Variants in SRGAP1 observed in about 807,000 individuals in gnomAD.
SRGAP1 encodes the protein SLIT-ROBO Rho GTPase activating protein 1.
Under a neutral mutation model 121.9 loss-of-function variants are expected in SRGAP1, and 43 were observed. That is an observed-to-expected ratio of 0.35 (90% CI 0.28 to 0.46). The LOEUF (loss-of-function observed/expected upper bound fraction) is 0.46, where lower values mean the gene tolerates loss of function less well. SRGAP1 is among the 20% of genes least tolerant of loss of function. SRGAP1 has a pLI of 1.00. For missense variants in SRGAP1, 1,102 were observed against 1,350.9 expected (o/e 0.82, Z 2.89); for synonymous variants, 447 against 485.4 (o/e 0.92, Z 1.04).
intron 1 of SRGAP1, among the ~76,000 whole-genome samples, chr12:63,906,880 ATT>A (rs200869779): frequency 2.8e-5 from 4 of 143,302 alleles, no homozygotes; most frequent in Non-Finnish European, 1.5e-5. Context: ...TATTATTTGT[ATT>A]TTTTTTTTTT....
In SRGAP1 at chr12:64,142,862, T is replaced by G. The variant is rs1201135566; in HGVS notation, c.*190T>G. ...CGGGCATTTGTATTTTGTAATTTTT[T>G]TAAATAACTGGACATATGTCATTTT... On this transcript the variant is annotated 3_prime_UTR_variant, in exon 22 of 22. Transcript: ENST00000355086. 5.3e-6 allele frequency: 4 copies of G among 754,190 alleles called. No homozygotes were observed. Among genetic ancestry groups the G allele is most frequent in the Non-Finnish European group, 8.4e-6 (4 of 478,600 alleles). The allele number at this position is 754,190 out of a possible 1,614,324, so 46.7% of individuals were successfully genotyped here.
chr12:63,849,901 A>G (rs1899019163), intron 1 of SRGAP1, among the ~76,000 whole-genome samples: 1 of 152,226 alleles, frequency 6.6e-6, no homozygotes, highest in Non-Finnish European at 1.5e-5. Flanking sequence ...AGATATCTAA[A>G]TAGGAGATAG....
intron 4 of SRGAP1, among the ~76,000 whole-genome samples, chr12:64,033,303 T>C (rs1453106489): frequency 6.6e-6 from 1 of 152,218 alleles, no homozygotes; most frequent in African/African-American, 2.4e-5. Flanking sequence ...AAATTCAAAC[T>C]GTTATGCTGA....
At chr12:64,008,005 A>G (rs1287991345) in intron 3 of SRGAP1, among the ~76,000 whole-genome samples, 1 of 152,206 alleles carries the variant, frequency 6.6e-6, no homozygotes, top group African/African-American at 2.4e-5. Flanking sequence ...TAAGATGCTG[A>G]GCTAATAATA....
rs769246485 is a variant in SRGAP1, at chr12:64,157,191, T to C, written c.*14519T>C. On this transcript the variant is annotated 3_prime_UTR_variant, in exon 22 of 22. Coordinates refer to ENST00000355086, the MANE Select transcript of SRGAP1 (RefSeq NM_020762.4). Reference sequence around the variant, plus strand: ...CTAAATTCATCATTTACTGAACAAATAACTCATGAGGGTTACCATATGTCT... The same window carrying C: ...CTAAATTCATCATTTACTGAACAAACAACTCATGAGGGTTACCATATGTCT... 5 of 152,142 alleles carry C rather than the reference T, an allele frequency of 3.3e-5. No individual in the cohort carries two copies. The highest frequency in any genetic ancestry group is 4.8e-5 in the African/African-American group (2 of 41,402). 9.4% of individuals were successfully genotyped at this position (152,142 alleles called of 1,614,324 possible). A position where few individuals can be genotyped will look rare whatever the true frequency, so the allele number is the denominator to read the frequency against.
intron 1 of SRGAP1, among the ~76,000 whole-genome samples, chr12:63,878,299 T>G (rs1487822618): frequency 6.6e-6 from 1 of 152,214 alleles, no homozygotes; most frequent in Non-Finnish European, 1.5e-5. Context: ...ACTTCTCTAT[T>G]GTACCATTGT....
At chr12:64,092,013 T>A in intron 12 of SRGAP1, 1 of 1,102,968 alleles carries the variant, frequency 9.1e-7, no homozygotes, top group Non-Finnish European at 1.3e-6. Flanking sequence ...ATTAGATTGT[T>A]AAGGTTTTTA....
At chr12:63,870,352 A>G (rs1207339447) in intron 1 of SRGAP1, among the ~76,000 whole-genome samples, 3 of 152,142 alleles carry the variant, frequency 2.0e-5, no homozygotes, top group African/African-American at 7.2e-5. Flanking sequence ...AAGTAAAAGA[A>G]AAACATAAGA....
intron 1 of SRGAP1, among the ~76,000 whole-genome samples, chr12:63,969,261 T>A (rs1356520616): frequency 6.6e-6 from 1 of 152,104 alleles, no homozygotes; most frequent in Non-Finnish European, 1.5e-5. Context: ...CTTGGATGAA[T>A]CTGATGGCAG....
chr12:63,953,281 C>G (rs2032353715), intron 1 of SRGAP1, among the ~76,000 whole-genome samples: 3 of 151,998 alleles, frequency 2.0e-5, no homozygotes, highest in Admixed American at 2.0e-4. Flanking sequence ...CATGGTACAT[C>G]ATCTCATTAA....
At position 64,128,173 on chromosome 12, in the gene SRGAP1, G is replaced by C; in HGVS notation, c.2853G>C (p.Lys951Asn). The change falls in exon 21 of 22, where the codon AAG (lysine) becomes AAC (asparagine). Residue 951 changes from lysine (K) to asparagine (N), a missense_variant. Coordinates refer to ENST00000355086, the MANE Select transcript of SRGAP1 (RefSeq NM_020762.4). ...AATACACGGGCTTCAATGACCACAA[G>C]CCACTGGACCCAGAGACAATTGCTC... ...SGQYTGFNDH[K>N]PLDPETIAQD... The C allele has an allele frequency of 6.2e-7, 1 of 1,612,084 alleles. No homozygotes were observed.
chr12:64,152,005 G>C lies in SRGAP1; in HGVS notation c.*9333G>C, dbSNP rs1365682357. On this transcript the variant is annotated 3_prime_UTR_variant, in exon 22 of 22. Transcript: ENST00000355086. ...CCGTAGCTTCCACGGTGGTGTGGCT[G>C]TGCCCACTGTCTCCTCCTTGAAATG... is the stretch of plus-strand genomic sequence containing the variant. 2 of 152,154 alleles carry C rather than the reference G, an allele frequency of 1.3e-5. No individual in the cohort carries two copies. The highest frequency in any genetic ancestry group is 4.8e-5 in the African/African-American group (2 of 41,422). 9.4% of individuals were successfully genotyped at this position (152,154 alleles called of 1,614,324 possible).
In SRGAP1 at chr12:64,062,897, G is replaced by T. The variant is rs759539969; in HGVS notation, c.802-20G>T. 5.1e-6 allele frequency: 8 copies of T among 1,583,160 alleles called. No individual in the cohort carries two copies. In the South Asian group the frequency reaches 7.9e-5, roughly 16 times the overall value. On this transcript the variant is annotated intron_variant, in intron 6 of 21. Transcript: ENST00000355086. ...AATTTTGCATTCATTTTTGTATGTGGTGTTCTTTTACTTTTTAAGTGCTGT... is the reference window on the plus strand; with the variant it reads ...AATTTTGCATTCATTTTTGTATGTGTTGTTCTTTTACTTTTTAAGTGCTGT...
intron 6 of SRGAP1, among the ~76,000 whole-genome samples, chr12:64,050,319 A>G (rs1418269845): frequency 1.3e-5 from 2 of 152,214 alleles, no homozygotes; most frequent in Non-Finnish European, 2.9e-5. Context: ...ACCTGTAAAC[A>G]AGGATAATTT....
intron 1 of SRGAP1, among the ~76,000 whole-genome samples, chr12:63,850,171 C>A (rs1899029202): frequency 6.6e-6 from 1 of 152,146 alleles, no homozygotes; most frequent in Admixed American, 6.5e-5. Flanking sequence ...GATTGCGCTA[C>A]TGCAACAAGG....
chr12:64,123,537 A>G (rs1015009709), intron 18 of SRGAP1, among the ~76,000 whole-genome samples: 4 of 152,228 alleles, frequency 2.6e-5, no homozygotes, highest in Admixed American at 6.5e-5. Context: ...AAGCAGACAC[A>G]TAGATGTTTA....
chr12:64,125,414 G>T (rs762267649), intron 18 of SRGAP1, among the ~76,000 whole-genome samples: 18 of 152,188 alleles, frequency 1.2e-4, no homozygotes, highest in Non-Finnish European at 2.2e-4. Context: ...GTGTTAGTTT[G>T]AAGATTTGAT....
intron 1 of SRGAP1, among the ~76,000 whole-genome samples, chr12:63,888,857 C>T (rs1185548339): frequency 6.6e-6 from 1 of 152,174 alleles, no homozygotes; most frequent in African/African-American, 2.4e-5. Flanking sequence ...CTGTAACACC[C>T]CAAGCTGCCA....
At chr12:64,093,254 A>G (rs569228148) in intron 12 of SRGAP1, among the ~76,000 whole-genome samples, 61 of 152,270 alleles carry the variant, frequency 4.0e-4, no homozygotes, top group Middle Eastern at 3.4e-3. Context: ...GTAAAATTAA[A>G]TTAAATTAAA....
Sources: allele counts gnomAD v4.1 joint callset (sites outside exome capture counted in the v4.1 genomes callset), GRCh38; gene constraint gnomAD v4.1.1; transcripts MANE v1.5; gene names NCBI Gene and HGNC (gene_info 2026-07-23, HGNC 2026-07-21).